The following CDK14 variants were observed in gnomAD, a reference collection of about 807,000 sequenced individuals.
CDK14 encodes cyclin dependent kinase 14, also known as cyclin-dependent kinase 14.
A neutral mutation model predicts 60.7 loss-of-function variants in CDK14; 34 were observed. The ratio of observed to expected loss-of-function variants is 0.56; its 90% CI spans 0.43 to 0.75. The LOEUF is 0.75. Ranked by LOEUF, CDK14 falls within the 30% of genes least tolerant of loss-of-function variation. CDK14 has a pLI of 0.00. For missense variants in CDK14, 482 were observed against 564.1 expected (o/e 0.85, Z 1.47); for synonymous variants, 197 against 203.7 (o/e 0.97, Z 0.28).
intron 11 of CDK14, among the ~76,000 whole-genome samples, chr7:91,055,994 A>G (rs569452359): frequency 1.8e-4 from 27 of 152,356 alleles, no homozygotes; most frequent in African/African-American, 6.3e-4. Flanking sequence ...GTATATAACT[A>G]GGAATCTATG....
At chr7:90,870,312 A>G (rs1271225194) in intron 6 of CDK14, among the ~76,000 whole-genome samples, 6 of 152,170 alleles carry the variant, frequency 3.9e-5, no homozygotes, top group Non-Finnish European at 5.9e-5. Context: ...GGACACATAG[A>G]GGGGAACAAC....
At position 90,888,029 on chromosome 7, in the gene CDK14, G is replaced by C. The variant is rs111487407; in HGVS notation, c.640-11262G>C. Among the ~76,000 whole-genome samples the C allele has an allele frequency of 1.7e-4, 26 of 152,144 alleles. No homozygotes were observed. The Middle Eastern group carries it at 0.014, about 80-fold the overall frequency. On this transcript the variant is annotated intron_variant, in intron 6 of 14. Transcript: ENST00000380050. Reference sequence around the variant, plus strand: ...ACAAATTGTTTAATATTTTATATTTGATTATGTGTTCCAGAATTACTGTTT... The same window carrying C: ...ACAAATTGTTTAATATTTTATATTTCATTATGTGTTCCAGAATTACTGTTT...
intron 3 of CDK14, among the ~76,000 whole-genome samples, chr7:90,740,568 A>G (rs994484999): frequency 1.3e-5 from 2 of 152,162 alleles, no homozygotes; most frequent in Admixed American, 6.6e-5. Context: ...CTGCAAGCCA[A>G]CGTGAGAGGA....
intron 4 of CDK14, among the ~76,000 whole-genome samples, chr7:90,751,601 C>T (rs563423055): frequency 1.3e-5 from 2 of 152,284 alleles, no homozygotes; most frequent in Non-Finnish European, 1.5e-5. Context: ...TCTGTAAAGG[C>T]ACTATACAAT....
chr7:90,988,822 A>G (rs907925843), intron 10 of CDK14, among the ~76,000 whole-genome samples: 1 of 152,104 alleles, frequency 6.6e-6, no homozygotes, highest in South Asian at 2.1e-4. Flanking sequence ...TTCTCTCTGC[A>G]TTTGAACGTT....
chr7:91,100,409 C>T (rs905264291), intron 12 of CDK14, among the ~76,000 whole-genome samples: 16 of 152,158 alleles, frequency 1.1e-4, no homozygotes, highest in Admixed American at 3.9e-4. Flanking sequence ...TTATTCTGTC[C>T]TGTAGACAGT....
chr7:91,081,792 A>G (rs962130412), intron 12 of CDK14, among the ~76,000 whole-genome samples: 1 of 152,158 alleles, frequency 6.6e-6, no homozygotes, highest in Non-Finnish European at 1.5e-5. Context: ...TGTTCTGGGA[A>G]AACAAAGCAG....
At chr7:90,606,290 C>T (rs1277841843) in intron 2 of CDK14, among the ~76,000 whole-genome samples, 1 of 152,114 alleles carries the variant, frequency 6.6e-6, no homozygotes, top group Non-Finnish European at 1.5e-5. Context: ...ATTCAACTAC[C>T]CTCTGTTTGG....
intron 2 of CDK14, among the ~76,000 whole-genome samples, chr7:90,625,770 A>T (rs1321110731): frequency 6.6e-6 from 1 of 152,152 alleles, no homozygotes; most frequent in Non-Finnish European, 1.5e-5. Context: ...AAGTGATGGG[A>T]TTGTTCCCCC....
chr7:91,056,419 T>A (rs866508668), intron 11 of CDK14, among the ~76,000 whole-genome samples: 9 of 152,318 alleles, frequency 5.9e-5, no homozygotes, highest in South Asian at 2.1e-4. Flanking sequence ...TCTTTTTTTT[T>A]AATTATACTT....
At chr7:90,598,704 A>ATTTTTTTTTTTTTTTT (rs796093975) in intron 1 of CDK14, among the ~76,000 whole-genome samples, 1,189 of 87,554 alleles carry the variant, frequency 0.014, 157 homozygotes, top group East Asian at 0.023. Context: ...TTATCTAAGG[A>ATTTTTTTTTTTTTTTT]TTTTTTTTTT....
At chr7:90,637,942 G>A (rs1020373452) in intron 2 of CDK14, among the ~76,000 whole-genome samples, 2 of 147,248 alleles carry the variant, frequency 1.4e-5, no homozygotes, top group African/African-American at 2.5e-5. Flanking sequence ...TTTTATCAGA[G>A]ACTAGGATTG....
At chr7:90,796,576 T>A (rs969363866) in intron 5 of CDK14, among the ~76,000 whole-genome samples, 1 of 152,132 alleles carries the variant, frequency 6.6e-6, no homozygotes, top group African/African-American at 2.4e-5. Flanking sequence ...AGTTTTAAAT[T>A]TTTATTTTGT....
At chr7:90,952,019 A>G (rs1178684145) in intron 8 of CDK14, among the ~76,000 whole-genome samples, 2 of 152,222 alleles carry the variant, frequency 1.3e-5, no homozygotes, top group Non-Finnish European at 2.9e-5. Context: ...GCGTATGTGT[A>G]TATAACCATA....
intron 4 of CDK14, among the ~76,000 whole-genome samples, chr7:90,783,460 C>T (rs745811445): frequency 4.6e-5 from 7 of 152,058 alleles, no homozygotes; most frequent in Admixed American, 1.3e-4. Flanking sequence ...AGCAAACAAT[C>T]AACAAAGTGA....
At chr7:90,902,551 A>T (rs1792545403) in intron 7 of CDK14, among the ~76,000 whole-genome samples, 1 of 152,108 alleles carries the variant, frequency 6.6e-6, no homozygotes, top group Admixed American at 6.6e-5. Flanking sequence ...CTGGAAATCC[A>T]TGTGCAGAAG....
chr7:90,972,168 A>G (rs1794951436), intron 9 of CDK14, among the ~76,000 whole-genome samples: 1 of 152,218 alleles, frequency 6.6e-6, no homozygotes, highest in Non-Finnish European at 1.5e-5. Flanking sequence ...TTTTACCCAC[A>G]ATCCAGGGTT....
At chr7:90,900,862 A>G (rs1473771973) in intron 7 of CDK14, among the ~76,000 whole-genome samples, 1 of 152,166 alleles carries the variant, frequency 6.6e-6, no homozygotes, top group Non-Finnish European at 1.5e-5. Flanking sequence ...TGTATGTGTC[A>G]TTAGTTATCA....
chr7:90,659,875 C>CTCTCTCTCTCTCTG (rs1235758434), intron 2 of CDK14, among the ~76,000 whole-genome samples: 4 of 128,974 alleles, frequency 3.1e-5, no homozygotes, highest in Non-Finnish European at 6.6e-5. Flanking sequence ...CTCTCTCTCT[C>CTCTCTCTCTCTCTG]TGTGTGTGTG....
Sources: gnomAD v4.1 joint callset for allele counts (sites outside exome capture counted in the v4.1 genomes callset) on GRCh38, gnomAD v4.1.1 for gene constraint, MANE v1.5 for transcripts, NCBI Gene and HGNC (gene_info 2026-07-23, HGNC 2026-07-21) for gene names.